REXO5: variants seen among roughly 807,000 people sequenced by gnomAD.
REXO5 encodes the protein exonuclease NEF-sp.
A neutral mutation model predicts 88.5 loss-of-function variants in REXO5; 48 were observed. The ratio of observed to expected loss-of-function variants is 0.54; its 90% confidence interval spans 0.43 to 0.69. The LOEUF is 0.69. REXO5 is among the 30% of genes least tolerant of loss of function. The pLI, the probability that REXO5 is intolerant of heterozygous loss-of-function variation, is 0.00. For synonymous variants in REXO5, 311 were observed against 336.5 expected, an observed-to-expected ratio of 0.92 and a Z score of 0.83; for missense variants, 749 against 912.2, an observed-to-expected ratio of 0.82 and a Z score of 2.30.
chr16:20,826,064 A>G (rs1392291291), intron 8 of REXO5, 116 bp downstream of exon 8: 2 of 662,754 alleles, frequency 3.0e-6, no homozygotes, highest in East Asian at 2.7e-5. Context: ...AATATTATCA[A>G]AGGTTAGGGC....
chr16:20,848,939 T>G (rs1341862228), intron 19 of REXO5, among the ~76,000 whole-genome samples: 1 of 152,214 alleles, frequency 6.6e-6, no homozygotes, highest in African/African-American at 2.4e-5. Context: ...TTCTGTCACT[T>G]AACAGTTGTG....
chr16:20,819,158 T>A (rs1431445990), intron 5 of REXO5, among the ~76,000 whole-genome samples: 2 of 152,320 alleles, frequency 1.3e-5, no homozygotes, highest in South Asian at 4.1e-4. Flanking sequence ...CATTTTTTTT[T>A]ATCTGATCTA....
At chr16:20,819,169 TCATTTATGGG>T (rs928985856) in intron 5 of REXO5, among the ~76,000 whole-genome samples, 3 of 152,174 alleles carry the variant, frequency 2.0e-5, no homozygotes, top group African/African-American at 7.2e-5. Context: ...ATCTGATCTA[TCATTTATGGG>T]CATTTGGGTT....
intron 16 of REXO5, 34 bp from the exon 17 acceptor site, chr16:20,844,595 T>C: frequency 1.3e-6 from 2 of 1,597,470 alleles, no homozygotes; most frequent in East Asian, 2.2e-5. Flanking sequence ...ATTAAATTGA[T>C]TTTCTACCAC....
chr16:20,822,895 G>A (rs2081205635), intron 6 of REXO5, among the ~76,000 whole-genome samples: 1 of 152,138 alleles, frequency 6.6e-6, no homozygotes, highest in African/African-American at 2.4e-5. Context: ...CATTTCTGTT[G>A]GGTATATACC....
chr16:20,814,828 C>A, intron 3 of REXO5, 99 bp from the exon 4 acceptor site: 1 of 1,207,010 alleles, frequency 8.3e-7, no homozygotes, highest in Non-Finnish European at 1.1e-6. Context: ...AACTCTCACT[C>A]ACTGCTTTTC....
intron 2 of REXO5, among the ~76,000 whole-genome samples, chr16:20,810,251 C>A (rs1022553913): frequency 1.3e-5 from 2 of 152,080 alleles, no homozygotes; most frequent in East Asian, 3.8e-4. Context: ...ATAAATCCAT[C>A]GTAAATTGAA....
intron 3 of REXO5, 91 bp downstream of exon 3, chr16:20,813,393 A>T: frequency 1.3e-6 from 1 of 761,492 alleles, no homozygotes; most frequent in Non-Finnish European, 2.1e-6. Context: ...CATTCAAACC[A>T]GAGGTTTCAA....
chr16:20,826,335 C>T lies in REXO5; in HGVS notation c.821+387C>T, dbSNP rs1249481267. 2.6e-5 allele frequency among the ~76,000 whole-genome samples: 4 copies of T among 152,306 alleles called. No homozygotes were observed. The East Asian group carries it at 7.7e-4, about 29-fold the overall frequency. Reference sequence around the variant, plus strand: ...GCTTAATCTGCCTTGACCCCCAAAACACAAACAAATATTTTTCATAACAGA... The same window carrying T: ...GCTTAATCTGCCTTGACCCCCAAAATACAAACAAATATTTTTCATAACAGA... On this transcript the variant is annotated intron_variant, in intron 8 of 19. Transcript: ENST00000261377.
chr16:20,814,150 A>G (rs1490404532), intron 3 of REXO5, among the ~76,000 whole-genome samples: 2 of 145,418 alleles, frequency 1.4e-5, no homozygotes, highest in Non-Finnish European at 3.0e-5. Context: ...TGGCCATTGT[A>G]GCCCAAAGCA....
chr16:20,847,962 G>C (rs2081635836), intron 19 of REXO5, among the ~76,000 whole-genome samples: 1 of 152,186 alleles, frequency 6.6e-6, no homozygotes, highest in African/African-American at 2.4e-5. Context: ...GCTGGGGTCA[G>C]GGAGCAAAAA....
At chr16:20,806,896 C>A in intron 1 of REXO5, 56 bp from the exon 2 acceptor site, 1 of 1,530,162 alleles carries the variant, frequency 6.5e-7, no homozygotes, top group South Asian at 1.2e-5. Context: ...GGAGGCGGCA[C>A]GCGGGGGAAT....
At chr16:20,822,886 A>G (rs890456731) in intron 6 of REXO5, among the ~76,000 whole-genome samples, 2 of 152,078 alleles carry the variant, frequency 1.3e-5, no homozygotes. Context: ...ACATGCTTTC[A>G]TTTCTGTTGG....
At position 20,815,127 on chromosome 16, in the gene REXO5, C is replaced by T. The variant is rs920369559; in HGVS notation, c.378+74C>T. 8 of 1,493,112 alleles carry T rather than the reference C, an allele frequency of 5.4e-6. No individual in the cohort carries two copies. The African/African-American group carries it at 9.9e-5, about 18-fold the overall frequency. The allele number at this position is 1,493,112 out of a possible 1,614,324, so 92.5% of individuals were successfully genotyped here. A position where few individuals can be genotyped will look rare whatever the true frequency, so the allele number is the denominator to read the frequency against. On this transcript the variant is annotated intron_variant, in intron 4 of 19. Transcript: ENST00000261377. The stretch of plus-strand genomic sequence containing the variant: ...TGAGACTAATACATGTGTCAGGGAC[C>T]ATGCTCCTTGGCAACCTAACTGAAC...
chr16:20,847,668 A>C (rs1050565144), intron 19 of REXO5, among the ~76,000 whole-genome samples: 1 of 152,218 alleles, frequency 6.6e-6, no homozygotes, highest in African/African-American at 2.4e-5. Context: ...AAAAAATCTT[A>C]GACCAACATA....
intron 2 of REXO5, among the ~76,000 whole-genome samples, chr16:20,810,311 AT>A (rs1288414162): frequency 1.3e-5 from 2 of 152,098 alleles, no homozygotes; most frequent in Non-Finnish European, 2.9e-5. Context: ...ACATTTAAAT[AT>A]TTTTCTGTAT....
chr16:20,811,824 T>C (rs572514326), intron 2 of REXO5, among the ~76,000 whole-genome samples: 1 of 152,388 alleles, frequency 6.6e-6, no homozygotes, highest in East Asian at 1.9e-4. Flanking sequence ...TAAGTACTTA[T>C]GTCAGGTACT....
In REXO5 at chr16:20,825,915, A is replaced by G. The variant is rs770984274; in HGVS notation, c.788A>G (p.Lys263Arg). 1 of 1,613,924 alleles carries G rather than the reference A, an allele frequency of 6.2e-7. No individual in the cohort carries two copies. Among genetic ancestry groups the G allele is most frequent in the Non-Finnish European group, 8.5e-7 (1 of 1,179,914 alleles). Reference sequence around the variant, plus strand: ...TGCTGTGTTATGGATGAACTGGTCAAACCTGAAAACAAGATTCTGGACTAC... The same window carrying G: ...TGCTGTGTTATGGATGAACTGGTCAGACCTGAAAACAAGATTCTGGACTAC... Reference protein sequence around the residue: ...GGCCVMDELVKPENKILDYLT... With the variant: ...GGCCVMDELVRPENKILDYLT... The change falls in exon 8 of 20, where the codon AAA (lysine) becomes AGA (arginine). Residue 263 changes from lysine (K) to arginine (R), a missense_variant. Coordinates refer to ENST00000261377, the MANE Select transcript of REXO5 (RefSeq NM_030941.3).
chr16:20,827,231 A>T (rs112541646), intron 9 of REXO5, 35 bp downstream of exon 9: 1 of 1,612,710 alleles, frequency 6.2e-7, no homozygotes. Flanking sequence ...CATTTTCAGT[A>T]TAAATGCCTG....
Sources: allele counts gnomAD v4.1 joint callset (sites outside exome capture counted in the v4.1 genomes callset), GRCh38; gene constraint gnomAD v4.1.1; transcripts MANE v1.5; gene names NCBI Gene and HGNC (gene_info 2026-07-23, HGNC 2026-07-21).